Variants in RGPD2 observed in about 807,000 individuals in gnomAD.
The protein encoded by RGPD2 is RANBP2-like and GRIP domain-containing protein 2.
RGPD2 carries 2 observed loss-of-function variants against 36.0 expected under a neutral mutation model. The observed-to-expected ratio is 0.06, with a 90% confidence interval of 0.02 to 0.17. The LOEUF (loss-of-function observed/expected upper bound fraction) is 0.17. RGPD2 is among the 10% of genes least tolerant of loss of function. RGPD2 has a pLI of 1.00. For missense variants in RGPD2, 40 were observed against 464.3 expected, an observed-to-expected ratio of 0.09 and a Z score of 8.40; for synonymous variants, 19 against 163.8, an observed-to-expected ratio of 0.12 and a Z score of 6.75.
At chr2:87,864,586 A>C in the RGPD2 span, among the ~76,000 whole-genome samples, 245 of 145,406 alleles carry the variant, frequency 1.7e-3, no homozygotes, top group African/African-American at 6.3e-3. Context: ...TGATAGATAG[A>C]TAGATAGATA....
chr2:87,873,964 G>T, the RGPD2 span, among the ~76,000 whole-genome samples: 4 of 152,072 alleles, frequency 2.6e-5, no homozygotes, highest in African/African-American at 9.6e-5. Flanking sequence ...GTTTTGATTT[G>T]CATATCTCTA....
intron 17 of RGPD2, among the ~76,000 whole-genome samples, chr2:87,791,230 G>GGGCT (rs1482801279): frequency 1.3e-5 from 2 of 152,302 alleles, no homozygotes; most frequent in African/African-American, 4.8e-5. Context: ...ATATAGTAAA[G>GGGCT]GGCTGGGTGT....
At chr2:87,923,417 G>C in the RGPD2 span, among the ~76,000 whole-genome samples, 3 of 152,208 alleles carry the variant, frequency 2.0e-5, no homozygotes, top group South Asian at 6.2e-4. Flanking sequence ...TAAAGAAAAT[G>C]CTTTTCTATC....
chr2:87,943,958 A>C, the RGPD2 span, among the ~76,000 whole-genome samples: 8 of 151,936 alleles, frequency 5.3e-5, 1 homozygote, highest in African/African-American at 1.9e-4. Flanking sequence ...TCTCTGTTTT[A>C]TTCAATTGGT....
the RGPD2 span, among the ~76,000 whole-genome samples, chr2:87,883,119 A>G: frequency 6.6e-6 from 1 of 152,212 alleles, no homozygotes; most frequent in Non-Finnish European, 1.5e-5. Flanking sequence ...AAGCAACAAT[A>G]ATTTGTTAAG....
chr2:87,977,897 C>G, the RGPD2 span, among the ~76,000 whole-genome samples: 3 of 152,102 alleles, frequency 2.0e-5, no homozygotes, highest in South Asian at 6.2e-4. Flanking sequence ...TGGTGGATCA[C>G]TTGAGGTTAG....
At chr2:87,955,249 C>T in the RGPD2 span, among the ~76,000 whole-genome samples, 1 of 148,026 alleles carries the variant, frequency 6.8e-6, no homozygotes, top group Non-Finnish European at 1.5e-5. Flanking sequence ...CTCCTGACCT[C>T]GTGATCCACC....
chr2:87,915,021 C>A, the RGPD2 span, among the ~76,000 whole-genome samples: 2 of 151,866 alleles, frequency 1.3e-5, no homozygotes, highest in Non-Finnish European at 2.9e-5. Flanking sequence ...GTGGCGCATG[C>A]CTGTAATCCC....
chr2:87,979,875 CAA>C, the RGPD2 span, among the ~76,000 whole-genome samples: 2 of 114,996 alleles, frequency 1.7e-5, no homozygotes, highest in African/African-American at 3.2e-5. Context: ...GACTCCGTCT[CAA>C]AAAAAAAAAA....
intron 8 of RGPD2, among the ~76,000 whole-genome samples, chr2:87,798,773 G>C (rs1477485355): frequency 9.6e-5 from 12 of 125,102 alleles, no homozygotes; most frequent in East Asian, 2.3e-4. Flanking sequence ...GAGGCTGAGG[G>C]AGGAGAATGG....
chr2:87,781,476 T>G (rs1236368759), intron 20 of RGPD2, among the ~76,000 whole-genome samples: 1 of 143,492 alleles, frequency 7.0e-6, no homozygotes, highest in Non-Finnish European at 1.5e-5. Flanking sequence ...TTTTTTTTTT[T>G]TTTTTGGAGA....
At chr2:87,912,310 G>A in the RGPD2 span, among the ~76,000 whole-genome samples, 1 of 152,058 alleles carries the variant, frequency 6.6e-6, no homozygotes, top group Admixed American at 6.6e-5. Context: ...CTAATTAAAA[G>A]TGTCAGCTGT....
chr2:87,761,974 G>A (rs1684897145), intron 22 of RGPD2, among the ~76,000 whole-genome samples: 1 of 151,916 alleles, frequency 6.6e-6, no homozygotes, highest in African/African-American at 2.4e-5. Context: ...GATTCATTCT[G>A]GAATTCTCCT....
At chr2:87,957,926 A>G in the RGPD2 span, among the ~76,000 whole-genome samples, 1 of 152,300 alleles carries the variant, frequency 6.6e-6, no homozygotes, top group Non-Finnish European at 1.5e-5. Flanking sequence ...CACTAAGTAT[A>G]TACTGTGAAT....
the RGPD2 span, among the ~76,000 whole-genome samples, chr2:87,863,130 C>T: frequency 6.6e-6 from 1 of 152,128 alleles, no homozygotes; most frequent in East Asian, 1.9e-4. Flanking sequence ...GTTCCTGTGA[C>T]TTTATGCTCT....
chr2:87,967,866 T>C, the RGPD2 span, among the ~76,000 whole-genome samples: 1 of 149,850 alleles, frequency 6.7e-6, no homozygotes, highest in South Asian at 2.1e-4. Context: ...AGAATATGAG[T>C]ATCAGAAAAT....
the RGPD2 span, among the ~76,000 whole-genome samples, chr2:87,877,308 T>C: frequency 2.6e-5 from 4 of 152,240 alleles, no homozygotes; most frequent in Non-Finnish European, 2.9e-5. Flanking sequence ...CATTGGTCTT[T>C]GTACTTCAGT....
At chr2:87,864,646 A>G in the RGPD2 span, among the ~76,000 whole-genome samples, 2 of 152,270 alleles carry the variant, frequency 1.3e-5, no homozygotes, top group Non-Finnish European at 2.9e-5. Context: ...GATAGTAAGT[A>G]GATAGTAGAT....
chr2:87,922,730 A>T, the RGPD2 span, among the ~76,000 whole-genome samples: 1 of 150,546 alleles, frequency 6.6e-6, no homozygotes, highest in Non-Finnish European at 1.5e-5. Flanking sequence ...TTTTCCCTAG[A>T]CTGGTCCCCA....
Sources: allele counts gnomAD v4.1 joint callset (sites outside exome capture counted in the v4.1 genomes callset), GRCh38; gene constraint gnomAD v4.1.1; transcripts MANE v1.5; gene names NCBI Gene and HGNC (gene_info 2026-07-23, HGNC 2026-07-21).